The following FAM120A variants were observed in gnomAD, a reference collection of about 807,000 sequenced individuals.
FAM120A encodes the protein family with sequence similarity 120 member A.
FAM120A carries 15 observed loss-of-function variants against 109.7 expected under a neutral mutation model. That is an observed-to-expected ratio of 0.14 (90% confidence interval 0.09 to 0.21). FAM120A has a LOEUF of 0.21. Among genes scored for constraint, FAM120A ranks in the 10% least tolerant of loss-of-function variants. FAM120A has a pLI of 1.00. For missense variants in FAM120A, 899 were observed against 1,439.3 expected (o/e 0.62, Z 6.07); for synonymous variants, 493 against 572.8 (o/e 0.86, Z 1.99).
chr9:93,482,184 ATTTT>A (rs386415495), intron 3 of FAM120A, among the ~76,000 whole-genome samples: 4 of 118,336 alleles, frequency 3.4e-5, no homozygotes, highest in East Asian at 5.1e-4. Context: ...ATTCACCTCC[ATTTT>A]TTTTTTTTTT....
At chr9:93,453,449 T>C in intron 1 of FAM120A, 2 of 985,484 alleles carry the variant, frequency 2.0e-6, no homozygotes, top group Non-Finnish European at 1.2e-6. Flanking sequence ...CTTTTTGTTG[T>C]CTTAGCTCTT....
At chr9:93,543,612 T>A in intron 11 of FAM120A, 141 bp downstream of exon 11, 3 of 1,100,256 alleles carry the variant, frequency 2.7e-6, no homozygotes, top group South Asian at 1.7e-5. Flanking sequence ...CCCATATTTA[T>A]ATATGTGATA....
intron 10 of FAM120A, among the ~76,000 whole-genome samples, chr9:93,542,964 A>G (rs1861757962): frequency 6.6e-6 from 1 of 152,252 alleles, no homozygotes; most frequent in Admixed American, 6.5e-5. Context: ...TATATGAGAA[A>G]ATCAAGTCAT....
intron 5 of FAM120A, among the ~76,000 whole-genome samples, chr9:93,504,732 G>A (rs1564331747): frequency 6.6e-6 from 1 of 152,136 alleles, no homozygotes; most frequent in Non-Finnish European, 1.5e-5. Context: ...TTGCCATGAT[G>A]GATAGCGCAC....
At position 93,452,073 on chromosome 9, in the gene FAM120A, G is replaced by C. The variant is rs1857258067; in HGVS notation, c.158G>C (p.Cys53Ser). 6.2e-7 allele frequency: 1 copy of C among 1,602,092 alleles called. No homozygotes were observed. Among genetic ancestry groups the C allele is most frequent in the African/African-American group, 1.3e-5 (1 of 74,772 alleles). Residue 53 changes from cysteine (C) to serine (S), a missense_variant, in exon 1 of 18, where the codon TGC (cysteine) becomes TCC (serine). By Grantham distance (112) the Cys-to-Ser change is moderately radical. Coordinates refer to ENST00000277165, the MANE Select transcript of FAM120A (RefSeq NM_014612.5). This position sits in a 1 kb window ranked among gnomAD's most constrained non-coding sequence, Gnocchi z 7.0. ...CGCCTGCTGGTGGACGCCGACAACT[G>C]CCTGCACCGCCTCTACGGCGGCTTC... ...PLRLLVDADNCLHRLYGGFYT... is the reference protein window; with the variant it reads ...PLRLLVDADNSLHRLYGGFYT...
chr9:93,529,720 T>G (rs951768476), intron 9 of FAM120A, 140 bp downstream of exon 9: 11 of 741,378 alleles, frequency 1.5e-5, no homozygotes, highest in Non-Finnish European at 2.6e-5. Context: ...TTCCCCTTTC[T>G]AAACATTGAA....
At chr9:93,549,062 C>G (rs1862002489) in intron 11 of FAM120A, among the ~76,000 whole-genome samples, 1 of 150,256 alleles carries the variant, frequency 6.7e-6, no homozygotes, top group Non-Finnish European at 1.5e-5. Context: ...AAAACAAAAA[C>G]AAACCAAAAA....
chr9:93,551,887 A>T (rs1215021686), intron 12 of FAM120A, among the ~76,000 whole-genome samples: 2 of 152,182 alleles, frequency 1.3e-5, no homozygotes, highest in African/African-American at 4.8e-5. Context: ...AGAAATTATT[A>T]TTTTTAATGT....
intron 2 of FAM120A, among the ~76,000 whole-genome samples, chr9:93,474,163 A>C (rs1858442469): frequency 6.6e-6 from 1 of 152,176 alleles, no homozygotes; most frequent in African/African-American, 2.4e-5. Context: ...GTTATAGGTA[A>C]GCTCCTAAGT....
At chr9:93,482,401 G>A (rs903548796) in intron 3 of FAM120A, among the ~76,000 whole-genome samples, 4 of 152,082 alleles carry the variant, frequency 2.6e-5, no homozygotes, top group Non-Finnish European at 5.9e-5. Context: ...TTGTTGCCCA[G>A]GCTGGTGTCA....
chr9:93,467,227 C>T, intron 1 of FAM120A, among the ~76,000 whole-genome samples: 1 of 136,616 alleles, frequency 7.3e-6, no homozygotes, highest in Non-Finnish European at 1.6e-5. Flanking sequence ...TTGTGATTTT[C>T]TTTGCCAGAT....
chr9:93,555,515 A>C (rs995256494), intron 12 of FAM120A, among the ~76,000 whole-genome samples: 1 of 152,248 alleles, frequency 6.6e-6, no homozygotes, highest in African/African-American at 2.4e-5. Flanking sequence ...TGCATTCTTG[A>C]AAAGCCACCA....
intron 11 of FAM120A, among the ~76,000 whole-genome samples, chr9:93,549,033 A>T (rs1862000162): frequency 6.6e-6 from 1 of 151,966 alleles, no homozygotes; most frequent in Admixed American, 6.6e-5. Context: ...ACAGAGCAAG[A>T]CTCCATCTCA....
At chr9:93,554,365 C>T (rs28523540) in intron 12 of FAM120A, among the ~76,000 whole-genome samples, 3,306 of 152,198 alleles carry the variant, frequency 0.022, 120 homozygotes, top group African/African-American at 0.075. Context: ...GGCACCAGCC[C>T]GTTCCTAAGA....
intron 1 of FAM120A, among the ~76,000 whole-genome samples, chr9:93,469,087 G>T (rs1246374983): frequency 6.6e-6 from 1 of 152,204 alleles, no homozygotes; most frequent in African/African-American, 2.4e-5. Context: ...TGGAGGTCCT[G>T]CCCAGGGCCA....
chr9:93,547,349 C>T (rs775000695), intron 11 of FAM120A, among the ~76,000 whole-genome samples: 4 of 152,154 alleles, frequency 2.6e-5, no homozygotes, highest in East Asian at 1.9e-4. Context: ...ATGCTGGCGC[C>T]GTCAGTGTGT....
chr9:93,549,499 T>G (rs1862020011), intron 11 of FAM120A, among the ~76,000 whole-genome samples: 2 of 152,166 alleles, frequency 1.3e-5, no homozygotes. Context: ...GTCTAGAACC[T>G]CCCTTACTTA....
intron 3 of FAM120A, among the ~76,000 whole-genome samples, chr9:93,481,423 T>G (rs1858800406): frequency 6.6e-6 from 1 of 152,246 alleles, no homozygotes; most frequent in South Asian, 2.1e-4. Context: ...TTTTAAACAC[T>G]TTACAGAAGG....
intron 1 of FAM120A, among the ~76,000 whole-genome samples, chr9:93,459,566 A>G (rs1857697845): frequency 6.6e-6 from 1 of 152,224 alleles, no homozygotes; most frequent in East Asian, 1.9e-4. Context: ...CAGGGAGCCT[A>G]TAGCCTCTGG....
Sources: gnomAD v4.1 joint callset for allele counts (sites outside exome capture counted in the v4.1 genomes callset) on GRCh38, gnomAD v4.1.1 for gene constraint, Gnocchi (gnomAD v3.1) non-coding constraint, MANE v1.5 for transcripts, NCBI Gene and HGNC (gene_info 2026-07-23, HGNC 2026-07-21) for gene names.